Variants in NELL2 observed in about 807,000 individuals in gnomAD.
The protein encoded by NELL2 is protein kinase C-binding protein NELL2.
Under a neutral mutation model 109.6 loss-of-function variants are expected in NELL2, and 41 were observed. That is an observed-to-expected ratio of 0.37 (90% confidence interval 0.29 to 0.49). The LOEUF (loss-of-function observed/expected upper bound fraction) is 0.49. NELL2 is among the 20% of genes least tolerant of loss of function. NELL2 has a pLI of 0.98. For missense variants in NELL2, 900 were observed against 1,008.3 expected, an observed-to-expected ratio of 0.89 and a Z score of 1.45; for synonymous variants, 355 against 344.7, an observed-to-expected ratio of 1.03 and a Z score of -0.33.
At chr12:44,861,814 T>C (rs1281609588) in intron 2 of NELL2, among the ~76,000 whole-genome samples, 1 of 152,174 alleles carries the variant, frequency 6.6e-6, no homozygotes, top group Non-Finnish European at 1.5e-5. Context: ...CAATAAGTCT[T>C]CCCACCAACC....
intron 2 of NELL2, among the ~76,000 whole-genome samples, chr12:44,861,447 C>T (rs1385239474): frequency 6.6e-6 from 1 of 152,152 alleles, no homozygotes; most frequent in Non-Finnish European, 1.5e-5. Context: ...ACTGTCAGCC[C>T]AACCCCAGTA....
intron 2 of NELL2, among the ~76,000 whole-genome samples, chr12:44,832,519 A>C (rs1943918962): frequency 6.6e-6 from 1 of 152,230 alleles, no homozygotes; most frequent in South Asian, 2.1e-4. Flanking sequence ...TGCAGAAAAC[A>C]ATCAATAAGT....
At chr12:44,721,815 G>C (rs1938788534) in intron 9 of NELL2, among the ~76,000 whole-genome samples, 1 of 152,004 alleles carries the variant, frequency 6.6e-6, no homozygotes, top group South Asian at 2.1e-4. Flanking sequence ...AACAGTTTCT[G>C]GTGTGCAGGT....
intron 3 of NELL2, among the ~76,000 whole-genome samples, chr12:44,794,135 G>A (rs1942533226): frequency 6.6e-6 from 1 of 152,052 alleles, no homozygotes; most frequent in African/African-American, 2.4e-5. Context: ...AGATCACTGG[G>A]TTCACATTCA....
intron 1 of NELL2, among the ~76,000 whole-genome samples, chr12:44,902,853 C>A (rs906024436): frequency 2.0e-5 from 3 of 152,082 alleles, no homozygotes; most frequent in Admixed American, 1.3e-4. Context: ...TAGCCATAGG[C>A]AGAAAACTAA....
intron 13 of NELL2, among the ~76,000 whole-genome samples, chr12:44,661,708 C>T (rs1270747299): frequency 6.6e-6 from 1 of 152,128 alleles, no homozygotes; most frequent in Admixed American, 6.6e-5. Context: ...AAAAGCCATT[C>T]GTCCATATAA....
At chr12:44,532,850 A>G (rs1942143589) in intron 15 of NELL2, 129 bp from the exon 16 acceptor site, 1 of 835,494 alleles carries the variant, frequency 1.2e-6, no homozygotes, top group South Asian at 1.9e-5. Context: ...TAAAATTAAG[A>G]AAGTCTACTT....
chr12:44,783,453 A>G (rs1173653081), intron 3 of NELL2, among the ~76,000 whole-genome samples: 1 of 151,916 alleles, frequency 6.6e-6, no homozygotes, highest in Non-Finnish European at 1.5e-5. Context: ...ACAGTTCAAT[A>G]AAATTAATGA....
intron 13 of NELL2, among the ~76,000 whole-genome samples, chr12:44,614,887 A>T (rs1945762989): frequency 6.6e-6 from 1 of 152,126 alleles, no homozygotes; most frequent in African/African-American, 2.4e-5. Context: ...TTTCAGTATA[A>T]TATAAAATGC....
chr12:44,577,546 C>T (rs1255302387), intron 15 of NELL2, among the ~76,000 whole-genome samples: 1 of 134,888 alleles, frequency 7.4e-6, no homozygotes, highest in African/African-American at 3.0e-5. Context: ...ACGATGATCT[C>T]GGCTCACTGC....
chr12:44,726,086 T>C (rs1939065433), intron 9 of NELL2, among the ~76,000 whole-genome samples: 2 of 152,010 alleles, frequency 1.3e-5, no homozygotes. Flanking sequence ...AAATTATTAC[T>C]GTAAAAAGTA....
intron 13 of NELL2, among the ~76,000 whole-genome samples, chr12:44,652,312 A>G (rs1947327904): frequency 6.6e-6 from 1 of 152,180 alleles, no homozygotes; most frequent in Non-Finnish European, 1.5e-5. Flanking sequence ...GACATGTGCT[A>G]TACATTTATT....
intron 19 of NELL2, among the ~76,000 whole-genome samples, chr12:44,519,049 A>G (rs1299949461): frequency 6.6e-6 from 1 of 152,178 alleles, no homozygotes; most frequent in Non-Finnish European, 1.5e-5. Context: ...CTGTTACTTC[A>G]ATCTACTCTG....
chr12:44,586,624 T>G (rs1362810687), intron 15 of NELL2, among the ~76,000 whole-genome samples: 1 of 152,174 alleles, frequency 6.6e-6, no homozygotes, highest in Non-Finnish European at 1.5e-5. Context: ...CCTGACCTGA[T>G]AGTGTCTTAA....
intron 19 of NELL2, among the ~76,000 whole-genome samples, chr12:44,509,587 A>G (rs893146913): frequency 8.5e-5 from 13 of 152,138 alleles, no homozygotes; most frequent in Admixed American, 8.5e-4. Context: ...TCTATCTACC[A>G]TGTGATACAA....
At chr12:44,814,437 T>C (rs1253634211) in intron 3 of NELL2, among the ~76,000 whole-genome samples, 1 of 152,180 alleles carries the variant, frequency 6.6e-6, no homozygotes, top group Non-Finnish European at 1.5e-5. Context: ...GAAAGCTCAA[T>C]GGACATGGGC....
Position 44,809,823 on chromosome 12 carries a change from C to T in NELL2, c.335+6163G>A, listed in dbSNP as rs552031414. On this transcript the variant is annotated intron_variant, in intron 3 of 19. Transcript: ENST00000429094. ...CTTTCTTCTTGCTTTTAGTTCACTTCAGATACCCTAGAATCCAGAGCATGC... is the reference window on the plus strand; with the variant it reads ...CTTTCTTCTTGCTTTTAGTTCACTTTAGATACCCTAGAATCCAGAGCATGC... Among the ~76,000 whole-genome samples, 21 of 152,172 alleles carry T rather than the reference C, an allele frequency of 1.4e-4. No individual in the cohort carries two copies. The South Asian group carries it at 2.7e-3, about 20-fold the overall frequency.
At chr12:44,694,618 T>C (rs1949002750) in intron 12 of NELL2, among the ~76,000 whole-genome samples, 1 of 150,974 alleles carries the variant, frequency 6.6e-6, no homozygotes, top group Admixed American at 6.6e-5. Flanking sequence ...TTTTTTTTTA[T>C]TTAAGAAATT....
chr12:44,723,310 T>C (rs1038144902), intron 9 of NELL2, among the ~76,000 whole-genome samples: 4 of 152,178 alleles, frequency 2.6e-5, no homozygotes, highest in Non-Finnish European at 5.9e-5. Context: ...GACAACTATT[T>C]TACTATGCAG....
Sources: gnomAD v4.1 joint callset for allele counts (sites outside exome capture counted in the v4.1 genomes callset) on GRCh38, gnomAD v4.1.1 for gene constraint, MANE v1.5 for transcripts, NCBI Gene and HGNC (gene_info 2026-07-23, HGNC 2026-07-21) for gene names.